The following TRIM14 variants were observed in gnomAD, a reference collection of about 807,000 sequenced individuals.
The protein encoded by TRIM14 is tripartite motif-containing protein 14.
Under a neutral mutation model 44.5 loss-of-function variants are expected in TRIM14, and 28 were observed. The ratio of observed to expected loss-of-function variants is 0.63; its 90% CI spans 0.47 to 0.86. The LOEUF (loss-of-function observed/expected upper bound fraction) is 0.86. Among genes scored for constraint, TRIM14 ranks in the 40% least tolerant of loss-of-function variants. The pLI, the probability that TRIM14 is intolerant of heterozygous loss-of-function variation, is 0.00. For missense variants in TRIM14, 607 were observed against 611.1 expected, an observed-to-expected ratio of 0.99 and a Z score of 0.07; for synonymous variants, 299 against 269.2, an observed-to-expected ratio of 1.11 and a Z score of -1.08.
At chr9:98,046,183 C>G in the TRIM14 span, among the ~76,000 whole-genome samples, 68 of 152,104 alleles carry the variant, frequency 4.5e-4, no homozygotes, top group African/African-American at 1.6e-3. Flanking sequence ...CAAGGGAACC[C>G]GAGAGCAAAC....
chr9:98,110,086 A>G (rs984430018), intron 1 of TRIM14, 102 bp from the exon 2 acceptor site: 54 of 876,660 alleles, frequency 6.2e-5, no homozygotes, highest in East Asian at 4.4e-4. Flanking sequence ...TTCTTTTCCA[A>G]TGGAGGCATC....
At chr9:98,049,379 CA>C in the TRIM14 span, among the ~76,000 whole-genome samples, 2 of 143,484 alleles carry the variant, frequency 1.4e-5, no homozygotes, top group Non-Finnish European at 3.0e-5. Context: ...ATGACTATTC[CA>C]TATGCAGAGC....
chr9:98,098,360 G>C (rs1295812658), intron 3 of TRIM14, among the ~76,000 whole-genome samples: 2 of 152,200 alleles, frequency 1.3e-5, no homozygotes, highest in Non-Finnish European at 2.9e-5. Context: ...TAGTGCAGAA[G>C]TGACTGCACA....
intron 3 of TRIM14, among the ~76,000 whole-genome samples, chr9:98,098,477 C>T (rs1422965382): frequency 3.9e-5 from 6 of 151,900 alleles, no homozygotes; most frequent in African/African-American, 1.2e-4. Context: ...TTTGAGGGGC[C>T]GAGGGGGGCG....
chr9:98,108,399 T>A (rs142885924), intron 2 of TRIM14, among the ~76,000 whole-genome samples: 8 of 151,502 alleles, frequency 5.3e-5, no homozygotes, highest in South Asian at 4.2e-4. Flanking sequence ...TTTTGGATAT[T>A]TTTTTTTTCT....
At chr9:98,115,059 ATT>A (rs1826999175) in intron 1 of TRIM14, among the ~76,000 whole-genome samples, 1 of 151,864 alleles carries the variant, frequency 6.6e-6, no homozygotes, top group Admixed American at 6.6e-5. Context: ...TTTGCAAACT[ATT>A]TGTGTTTACT....
the TRIM14 span, among the ~76,000 whole-genome samples, chr9:98,056,220 G>T: frequency 1.3e-5 from 2 of 152,116 alleles, no homozygotes; most frequent in African/African-American, 4.8e-5. Flanking sequence ...GTGATCAGGG[G>T]TTTCTATACG....
At chr9:98,048,818 T>C in the TRIM14 span, among the ~76,000 whole-genome samples, 2 of 151,934 alleles carry the variant, frequency 1.3e-5, no homozygotes, top group Non-Finnish European at 2.9e-5. Context: ...GGTCAGGAGA[T>C]CGAGACCAGT....
chr9:98,074,388 G>A (rs1829487875), intron 6 of TRIM14, among the ~76,000 whole-genome samples: 1 of 152,158 alleles, frequency 6.6e-6, no homozygotes. Flanking sequence ...TAGCACGGTC[G>A]GCAGGCTAGG....
At chr9:98,109,411 C>T (rs1474965203) in intron 2 of TRIM14, among the ~76,000 whole-genome samples, 3 of 152,200 alleles carry the variant, frequency 2.0e-5, no homozygotes, top group African/African-American at 7.2e-5. Context: ...CTCAAGTTCC[C>T]ATTCAAAATC....
intron 6 of TRIM14, chr9:98,076,874 TTTTG>T: frequency 6.6e-7 from 1 of 1,503,870 alleles, no homozygotes; most frequent in Non-Finnish European, 9.2e-7. Flanking sequence ...ACAACAGTGT[TTTTG>T]GACAATGGTG....
At chr9:98,089,432 C>A (rs372496520) in intron 5 of TRIM14, among the ~76,000 whole-genome samples, 1 of 152,166 alleles carries the variant, frequency 6.6e-6, no homozygotes, top group African/African-American at 2.4e-5. Context: ...CTGCCTCAGC[C>A]TCCCAAAGTG....
At chr9:98,052,447 C>G in the TRIM14 span, among the ~76,000 whole-genome samples, 455 of 152,090 alleles carry the variant, frequency 3.0e-3, 3 homozygotes, top group Non-Finnish European at 4.5e-3. Context: ...TGCATATCCA[C>G]TTTTTATTAA....
At chr9:98,046,686 G>A in the TRIM14 span, among the ~76,000 whole-genome samples, 34 of 152,048 alleles carry the variant, frequency 2.2e-4, no homozygotes, top group Admixed American at 1.2e-3. Context: ...TGATCCACCC[G>A]CCTTGGCCTC....
chr9:98,071,183 C>T (rs927318947), intron 6 of TRIM14, among the ~76,000 whole-genome samples: 4 of 152,156 alleles, frequency 2.6e-5, no homozygotes, highest in Admixed American at 6.5e-5. Context: ...ATACACATAC[C>T]CCAGCTGTGT....
intron 6 of TRIM14, chr9:98,075,530 C>G (rs1335143341): frequency 6.6e-6 from 1 of 152,022 alleles, no homozygotes. Flanking sequence ...TCCGTCGGTC[C>G]GTCGGTCCTA....
intron 3 of TRIM14, among the ~76,000 whole-genome samples, 187 bp downstream of exon 3, chr9:98,099,744 G>A (rs1300903617): frequency 6.6e-6 from 1 of 152,208 alleles, no homozygotes; most frequent in Non-Finnish European, 1.5e-5. Context: ...TAGCCCAAGA[G>A]GTGTATTATC....
At chr9:98,063,342 A>T in the TRIM14 span, among the ~76,000 whole-genome samples, 1 of 151,982 alleles carries the variant, frequency 6.6e-6, no homozygotes, top group African/African-American at 2.4e-5. Context: ...CCCAGGTTCA[A>T]GTTATTCTCA....
downstream of TRIM14, chr9:98,082,099 AT>A (rs1829892814): frequency 6.6e-6 from 1 of 152,152 alleles, no homozygotes. Flanking sequence ...CACGTAATTT[AT>A]TTGAAAGCAT....
Sources: allele counts gnomAD v4.1 joint callset (sites outside exome capture counted in the v4.1 genomes callset), GRCh38; gene constraint gnomAD v4.1.1; transcripts MANE v1.5; gene names NCBI Gene and HGNC (gene_info 2026-07-23, HGNC 2026-07-21).